Variants in LTBP2 observed in about 807,000 individuals in gnomAD.
LTBP2 encodes latent-transforming growth factor beta-binding protein 2.
Under a neutral mutation model 210.6 loss-of-function variants are expected in LTBP2, and 103 were observed. The ratio of observed to expected loss-of-function variants is 0.49; its 90% CI spans 0.42 to 0.58. The LOEUF (loss-of-function observed/expected upper bound fraction) is 0.58, where lower values mean the gene tolerates loss of function less well. Ranked by LOEUF, LTBP2 falls within the 20% of genes least tolerant of loss-of-function variation. LTBP2 has a pLI of 0.00. For missense variants in LTBP2, 2,313 were observed against 2,494.5 expected, an observed-to-expected ratio of 0.93 and a Z score of 1.55; for synonymous variants, 1,007 against 1,015.0, an observed-to-expected ratio of 0.99 and a Z score of 0.15.
chr14:74,571,618 A>G (rs897726587), intron 3 of LTBP2, among the ~76,000 whole-genome samples: 1 of 152,216 alleles, frequency 6.6e-6, no homozygotes, highest in African/African-American at 2.4e-5. Flanking sequence ...ACCTTGTCCC[A>G]AGAACATCAA....
At position 74,532,464 on chromosome 14, in the gene LTBP2, G is replaced by A. The variant is rs775792673; in HGVS notation, c.1949C>T (p.Pro650Leu). 1 of 1,614,202 alleles carries A rather than the reference G, an allele frequency of 6.2e-7. No homozygotes were observed. Among genetic ancestry groups the A allele is most frequent in the South Asian group, 1.1e-5 (1 of 91,086 alleles). ...CCGCGATGGATCCAGCATGAGGCCA[G>A]GTCTGCATGTGCACAGGTAGCTGCC... ...TRGSYLCTCR[P>L]GLMLDPSRSR... The change falls in exon 10 of 36, where the codon CCT becomes CTT. Residue 650 changes from proline (P) to leucine (L), a missense_variant. Pro to Leu is a moderately conservative substitution (Grantham distance 98). This residue lies in a region of LTBP2 where 1,867 missense variants were observed against 1,976.9 expected (regional missense o/e 0.94). Transcript: ENST00000261978.
At chr14:74,578,810 G>T (rs959392656) in intron 3 of LTBP2, among the ~76,000 whole-genome samples, 15 of 152,210 alleles carry the variant, frequency 9.9e-5, no homozygotes, top group Non-Finnish European at 1.9e-4. Context: ...GAGGTCCCCA[G>T]GCTGGGTGTC....
chr14:74,501,392 CTG>C (rs2086908369), intron 35 of LTBP2, 47 bp downstream of exon 35: 1 of 1,613,680 alleles, frequency 6.2e-7, no homozygotes, highest in Non-Finnish European at 8.5e-7. Flanking sequence ...TCAGGCGTCT[CTG>C]TGGGCAGTGG....
chr14:74,515,123 T>G (rs1349478600), intron 18 of LTBP2, among the ~76,000 whole-genome samples: 5 of 152,182 alleles, frequency 3.3e-5, no homozygotes, highest in African/African-American at 1.2e-4. Flanking sequence ...CATTAGCTTA[T>G]CCGGTGCTCA....
At position 74,525,316 on chromosome 14, in the gene LTBP2, G is replaced by A. The variant is rs114970212; in HGVS notation, c.2429-91C>T. ...CCCTGGTGCTCAGACTCCCAAGAACGAAGGGTGAAGCCTGGGGTGGGTCAC... is the reference window on the plus strand; with the variant it reads ...CCCTGGTGCTCAGACTCCCAAGAACAAAGGGTGAAGCCTGGGGTGGGTCAC... On this transcript the variant is annotated intron_variant, in intron 14 of 35. Transcript: ENST00000261978. 1,653 of 618,434 alleles carry A rather than the reference G, an allele frequency of 2.7e-3. 23 individuals are homozygous for A. The African/African-American group carries it at 0.027, about 10-fold the overall frequency. 38.3% of individuals were successfully genotyped at this position (618,434 alleles called of 1,614,324 possible).
chr14:74,503,041 C>T (rs1224694875), intron 33 of LTBP2, 107 bp from the exon 34 acceptor site: 2 of 1,515,846 alleles, frequency 1.3e-6, no homozygotes, highest in Non-Finnish European at 9.0e-7. Context: ...TCTGGGAGAT[C>T]CTGGCAACAT....
intron 9 of LTBP2, 145 bp from the exon 10 acceptor site, chr14:74,532,693 T>C: frequency 1.1e-6 from 1 of 906,264 alleles, no homozygotes. Flanking sequence ...CCTCTCCCTG[T>C]GCCTCAGTTT....
Position 74,503,524 on chromosome 14 carries a change from G to T in LTBP2, c.4665C>A (p.Pro1555=). 6.2e-7 allele frequency: 1 copy of T among 1,613,558 alleles called. No individual in the cohort carries two copies. The highest frequency in any genetic ancestry group is 8.5e-7 in the Non-Finnish European group (1 of 1,179,884). ...TEGSFHCFCS[P]PLTLDLSQQR... is the part of the protein sequence containing the mutation. The stretch of plus-strand genomic sequence containing the variant: ...GCTGGCTGAGGTCCAGGGTGAGCGG[G>T]GGGCTGCAGAAGCAGTGGAAGGAGC... Residue 1555 remains proline (P), a synonymous_variant, in exon 32 of 36, where the codon CCC becomes CCA. Coordinates refer to ENST00000261978, the MANE Select transcript of LTBP2 (RefSeq NM_000428.3).
rs994654779 is a variant in LTBP2, at chr14:74,555,389, T to C, written c.1021+114A>G. On this transcript the variant is annotated intron_variant, in intron 4 of 35. Transcript: ENST00000261978. The stretch of plus-strand genomic sequence containing the variant: ...AGCGTTTGTTGATTGGCTGAAAGAA[T>C]GAGGGACAAGGTGACAACTCAGCCC... 11 of 1,101,788 alleles carry C rather than the reference T, an allele frequency of 1.0e-5. No homozygotes were observed. In the African/African-American group the frequency reaches 1.1e-4, roughly 11 times the overall value. The allele number at this position is 1,101,788 out of a possible 1,614,324, so 68.3% of individuals were successfully genotyped here.
In LTBP2 at chr14:74,504,889, G is replaced by A. The variant is rs143626054; in HGVS notation, c.4370-28C>T. On this transcript the variant is annotated intron_variant, in intron 29 of 35. Transcript: ENST00000261978. Reference sequence around the variant, plus strand: ...ATGTAGAGAGGCGTTTCAGCTCAGAGTGGGGAGGGCCCTGCCCCCTTCCTC... The same window carrying A: ...ATGTAGAGAGGCGTTTCAGCTCAGAATGGGGAGGGCCCTGCCCCCTTCCTC... 1,386 of 1,613,558 alleles carry A rather than the reference G, an allele frequency of 8.6e-4. 5 individuals carry two copies. In the Middle Eastern group the frequency reaches 0.02, roughly 23 times the overall value.
rs1402722040 is a variant in LTBP2, at chr14:74,611,529, G to C, written c.416C>G (p.Ala139Gly). The part of the protein sequence containing the change: ...QQQPAPRTRA[A>G]PALPRLGTPQ... ...GGTCCCCAGGCGTGGGAGAGCCGGC[G>C]CGGCCCGGGTCCGGGGTGCTGGTTG... Residue 139 changes from alanine (A) to glycine (G), a missense_variant, in exon 1 of 36, where the codon GCG becomes GGG. Transcript: ENST00000261978. The C allele has an allele frequency of 6.5e-7, 1 of 1,549,548 alleles. No homozygotes were observed. Among genetic ancestry groups the C allele is most frequent in the Non-Finnish European group, 8.6e-7 (1 of 1,156,788 alleles).
At position 74,565,041 on chromosome 14, in the gene LTBP2, T is replaced by C. The variant is rs539124809; in HGVS notation, c.831-9348A>G. On this transcript the variant is annotated intron_variant, in intron 3 of 35. Coordinates refer to ENST00000261978, the MANE Select transcript of LTBP2 (RefSeq NM_000428.3). Reference sequence around the variant, plus strand: ...ATTCAGGGAGGTGTCTGGGCTGTACTGAGTGGGTGAAGGGGAGTGTCCTGA... The same window carrying C: ...ATTCAGGGAGGTGTCTGGGCTGTACCGAGTGGGTGAAGGGGAGTGTCCTGA... Among the ~76,000 whole-genome samples, 3 of 152,298 alleles carry C rather than the reference T, an allele frequency of 2.0e-5. No individual in the cohort carries two copies. In the South Asian group the frequency reaches 6.2e-4, roughly 32 times the overall value.
rs756614521 is a variant in LTBP2, at chr14:74,503,932, A to T, written c.4576T>A (p.Cys1526Ser). 6.2e-7 allele frequency: 1 copy of T among 1,614,052 alleles called. No homozygotes were observed. The highest frequency in any genetic ancestry group is 1.1e-5 in the South Asian group (1 of 91,080). Residue 1526 changes from cysteine to serine, a missense_variant, in exon 31 of 36, where the codon TGT (cysteine) becomes AGT (serine). Around this residue, in one of 3 missense-constraint regions of LTBP2, gnomAD observed 443 missense variants for 501.4 expected, o/e 0.88. Transcript: ENST00000261978. Reference protein sequence around the residue: ...GFHYDASHKKCEDHDECQDLA... With the variant: ...GFHYDASHKKSEDHDECQDLA... ...GGATCATGTGTGTCCTTACCCTCAC[A>T]CTTCTTGTGGGAAGCATCGTAGTGG...
intron 5 of LTBP2, 59 bp downstream of exon 5, chr14:74,552,833 C>T (rs2087678343): frequency 1.3e-6 from 2 of 1,570,308 alleles, no homozygotes; most frequent in Middle Eastern, 2.2e-4. Context: ...AGGCCTGGCT[C>T]TCTGGCCATC....
chr14:74,540,561 C>T (rs1291243027), intron 8 of LTBP2, among the ~76,000 whole-genome samples: 1 of 150,588 alleles, frequency 6.6e-6, no homozygotes, highest in African/African-American at 2.5e-5. Flanking sequence ...GTCAGGAGAT[C>T]GAGACCATCC....
chr14:74,508,836 A>T lies in LTBP2; in HGVS notation c.3520T>A (p.Cys1174Ser), dbSNP rs745594906. 1 of 1,613,684 alleles carries T rather than the reference A, an allele frequency of 6.2e-7. No individual in the cohort carries two copies. The change falls in exon 23 of 36, where the codon TGT (cysteine) becomes AGT (serine). Residue 1174 changes from cysteine to serine, a missense_variant. Physicochemically the swap from Cys to Ser is moderately radical, Grantham distance 112. Transcript: ENST00000261978. ...GGTGACCTGGGTCACTCACCCTCAC[A>T]CACGGTGCCATTGGCCAGCTGGAAG... ...QGFQLANGTVCEDVNECMGEE... is the reference protein window; with the variant it reads ...QGFQLANGTVSEDVNECMGEE...
At chr14:74,513,998 C>T (rs1195132220) in intron 18 of LTBP2, among the ~76,000 whole-genome samples, 1 of 152,178 alleles carries the variant, frequency 6.6e-6, no homozygotes, top group Non-Finnish European at 1.5e-5. Flanking sequence ...CATTCTCCAC[C>T]CGAGCCAGGG....
intron 2 of LTBP2, among the ~76,000 whole-genome samples, chr14:74,596,442 G>A (rs866115303): frequency 1.3e-5 from 2 of 152,226 alleles, no homozygotes; most frequent in African/African-American, 2.4e-5. Flanking sequence ...AGGGCCAGCC[G>A]CACAGAGAGA....
chr14:74,526,082 C>A lies in LTBP2; in HGVS notation c.2421G>T (p.Trp807Cys), dbSNP rs764489653. 1.9e-6 allele frequency: 3 copies of A among 1,605,538 alleles called. No individual in the cohort carries two copies. The highest frequency in any genetic ancestry group is 2.6e-6 in the Non-Finnish European group (3 of 1,175,780). Residue 807 changes from tryptophan to cysteine, a missense_variant, in exon 14 of 36, where the codon TGG becomes TGT. Trp to Cys is a radical substitution (Grantham distance 215). Transcript: ENST00000261978. Reference protein sequence around the residue: ...VTTSVTHAPAWVTGNATTPPM... With the variant: ...VTTSVTHAPACVTGNATTPPM... ...CCAGGAAGAGGGACTCACCTGTGACCCAGGCAGGTGCATGAGTGACACTGG... is the reference window on the plus strand; with the variant it reads ...CCAGGAAGAGGGACTCACCTGTGACACAGGCAGGTGCATGAGTGACACTGG...
Sources: gnomAD v4.1 joint callset for allele counts (sites outside exome capture counted in the v4.1 genomes callset) on GRCh38, gnomAD v4.1.1 for gene constraint, gnomAD v4.1.1 regional missense constraint, MANE v1.5 for transcripts, NCBI Gene and HGNC (gene_info 2026-07-23, HGNC 2026-07-21) for gene names.